SORCS3: variants seen among roughly 807,000 people sequenced by gnomAD.
SORCS3 encodes the protein sortilin related VPS10 domain containing receptor 3.
A neutral mutation model predicts 146.3 loss-of-function variants in SORCS3; 57 were observed. That is an observed-to-expected ratio of 0.39 (90% CI 0.31 to 0.49). SORCS3 has a LOEUF of 0.49. Ranked by LOEUF, SORCS3 falls within the 20% of genes least tolerant of loss-of-function variation. The probability of loss-of-function intolerance (pLI) is 0.92; values close to 1 mark genes in which losing one functional copy is unlikely to be tolerated. For missense variants in SORCS3, 1,341 were observed against 1,575.5 expected, an observed-to-expected ratio of 0.85 and a Z score of 2.52; for synonymous variants, 653 against 618.5, an observed-to-expected ratio of 1.06 and a Z score of -0.83.
At chr10:105,116,220 T>C (rs1341467131) in intron 7 of SORCS3, among the ~76,000 whole-genome samples, 1 of 152,224 alleles carries the variant, frequency 6.6e-6, no homozygotes, top group Non-Finnish European at 1.5e-5. Context: ...CTTCCAGCTA[T>C]GTTTGCCTCA....
intron 1 of SORCS3, among the ~76,000 whole-genome samples, chr10:104,807,746 C>T (rs984635672): frequency 1.3e-5 from 2 of 152,194 alleles, no homozygotes; most frequent in African/African-American, 2.4e-5. Context: ...TGGCTTCCAA[C>T]ACTTGCTGCT....
intron 4 of SORCS3, among the ~76,000 whole-genome samples, chr10:104,981,193 C>T (rs2133654135): frequency 6.6e-6 from 1 of 152,272 alleles, no homozygotes; most frequent in African/African-American, 2.4e-5. Context: ...TGAGCTTCCC[C>T]ACTCCTTCTA....
intron 2 of SORCS3, among the ~76,000 whole-genome samples, chr10:104,864,365 G>T (rs2018437772): frequency 6.6e-6 from 1 of 152,306 alleles, no homozygotes; most frequent in Admixed American, 6.5e-5. Context: ...GTGACTGGAT[G>T]AATATGGTCT....
chr10:105,233,816 G>T (rs963493991), intron 20 of SORCS3, among the ~76,000 whole-genome samples: 2 of 152,106 alleles, frequency 1.3e-5, no homozygotes, highest in Non-Finnish European at 2.9e-5. Flanking sequence ...CCATTGATGG[G>T]CATTTGGGTT....
At chr10:104,723,487 T>C (rs1459616514) in intron 1 of SORCS3, among the ~76,000 whole-genome samples, 1 of 152,222 alleles carries the variant, frequency 6.6e-6, no homozygotes, top group Non-Finnish European at 1.5e-5. Flanking sequence ...TGTAGATGTC[T>C]ATTAGGTCTG....
intron 1 of SORCS3, among the ~76,000 whole-genome samples, chr10:104,730,317 A>G (rs1292941733): frequency 6.6e-6 from 1 of 151,220 alleles, no homozygotes; most frequent in African/African-American, 2.5e-5. Context: ...ACAGCTAATC[A>G]GGGACACAGC....
chr10:104,891,410 C>G (rs2018747878), intron 2 of SORCS3, among the ~76,000 whole-genome samples: 1 of 152,206 alleles, frequency 6.6e-6, no homozygotes, highest in Admixed American at 6.5e-5. Context: ...TTTTTCAGTA[C>G]TGCTTCTTGC....
intron 12 of SORCS3, 119 bp downstream of exon 12, chr10:105,164,498 C>T: frequency 1.3e-6 from 1 of 796,652 alleles, no homozygotes; most frequent in Non-Finnish European, 2.1e-6. Context: ...ACATTTGAAG[C>T]AGCTGTTCAG....
At chr10:104,642,022 G>GGGGGGGCCCCCCCC in intron 1 of SORCS3, 68 bp downstream of exon 1, 1 of 173,336 alleles carries the variant, frequency 5.8e-6, no homozygotes, top group East Asian at 1.5e-4. Flanking sequence ...GGGTGGGTGG[G>GGGGGGGCCCCCCCC]AGCGAGGGAC....
At chr10:104,775,416 A>T (rs2133486646) in intron 1 of SORCS3, among the ~76,000 whole-genome samples, 1 of 152,352 alleles carries the variant, frequency 6.6e-6, no homozygotes. Context: ...GATGTATATA[A>T]GTCAAGGGCT....
At chr10:104,812,141 C>G (rs2017748187) in intron 1 of SORCS3, among the ~76,000 whole-genome samples, 1 of 152,214 alleles carries the variant, frequency 6.6e-6, no homozygotes, top group Non-Finnish European at 1.5e-5. Context: ...TTGGAGAACT[C>G]TCCTGTTCAG....
chr10:104,858,789 T>C (rs1035704357), intron 2 of SORCS3, among the ~76,000 whole-genome samples: 1 of 151,914 alleles, frequency 6.6e-6, no homozygotes, highest in Non-Finnish European at 1.5e-5. Context: ...GCCTGGCTAA[T>C]TTTTTGTGTT....
At chr10:105,074,891 G>A (rs559102642) in intron 5 of SORCS3, among the ~76,000 whole-genome samples, 1 of 152,144 alleles carries the variant, frequency 6.6e-6, no homozygotes, top group African/African-American at 2.4e-5. Flanking sequence ...ATTCTCTTCA[G>A]AGCTGAGATA....
At chr10:105,016,191 C>T (rs1478691886) in intron 4 of SORCS3, among the ~76,000 whole-genome samples, 4 of 119,254 alleles carry the variant, frequency 3.4e-5, no homozygotes, top group Admixed American at 2.7e-4. Flanking sequence ...CTCGCTCTGT[C>T]GCCAGGCTGG....
rs1352967860 is a variant in SORCS3 at position 104,641,610 on chromosome 10, G to A, written c.283G>A (p.Gly95Ser). ...ACCAGAGCTGCTGCCCCAGCAGGGC[G>A]GCGGCAGAGGCGGTGAGATGCAGGT... ...AGPELLPQQG[G>S]GRGGEMQVEA... Residue 95 changes from glycine to serine, a missense_variant, in exon 1 of 27, where the codon GGC becomes AGC. Gly to Ser is a moderately conservative substitution (Grantham distance 56). Transcript: ENST00000369701. This position sits in a 1 kb window ranked among gnomAD's most constrained non-coding sequence, Gnocchi z 6.4. 19 of 1,517,710 alleles carry A rather than the reference G, an allele frequency of 1.3e-5. No homozygotes were observed. The highest frequency in any genetic ancestry group is 1.6e-5 in the Non-Finnish European group (18 of 1,139,542). 94.0% of individuals were successfully genotyped at this position (1,517,710 alleles called of 1,614,324 possible). A position where few individuals can be genotyped will look rare whatever the true frequency, so the allele number is the denominator to read the frequency against.
At chr10:105,080,422 A>T (rs938971520) in intron 5 of SORCS3, among the ~76,000 whole-genome samples, 1 of 151,954 alleles carries the variant, frequency 6.6e-6, no homozygotes, top group Non-Finnish European at 1.5e-5. Context: ...TGTAAATTTA[A>T]GTTCCTTGTA....
chr10:104,658,575 G>T (rs1040936964), intron 1 of SORCS3, among the ~76,000 whole-genome samples: 1 of 152,174 alleles, frequency 6.6e-6, no homozygotes, highest in African/African-American at 2.4e-5. Flanking sequence ...TGGTGGTCTC[G>T]AACTCCTGAC....
chr10:104,778,959 TGA>T (rs759738063), intron 1 of SORCS3, among the ~76,000 whole-genome samples: 2 of 152,092 alleles, frequency 1.3e-5, no homozygotes, highest in African/African-American at 2.4e-5. Flanking sequence ...CCAAGGATCT[TGA>T]GGGGGGATCA....
At chr10:105,106,538 A>G (rs2055823046) in intron 7 of SORCS3, among the ~76,000 whole-genome samples, 1 of 152,202 alleles carries the variant, frequency 6.6e-6, no homozygotes, top group South Asian at 2.1e-4. Flanking sequence ...GATATTTTAT[A>G]CACACAGTTG....
Sources: allele counts gnomAD v4.1 joint callset (sites outside exome capture counted in the v4.1 genomes callset), GRCh38; gene constraint gnomAD v4.1.1; non-coding constraint Gnocchi (gnomAD v3.1); transcripts MANE v1.5; gene names NCBI Gene and HGNC (gene_info 2026-07-23, HGNC 2026-07-21).